The following ANKS1B variants were observed in gnomAD, a reference collection of about 807,000 sequenced individuals.
ANKS1B encodes the protein ankyrin repeat and sterile alpha motif domain containing 1B.
A neutral mutation model predicts 148.3 loss-of-function variants in ANKS1B; 36 were observed. The observed-to-expected ratio is 0.24, with a 90% confidence interval of 0.19 to 0.32. The LOEUF (loss-of-function observed/expected upper bound fraction) is 0.32, where lower values mean the gene tolerates loss of function less well. ANKS1B is among the 10% of genes least tolerant of loss of function. The pLI is 1.00. For missense variants in ANKS1B, 1,157 were observed against 1,542.6 expected (o/e 0.75, Z 4.19); for synonymous variants, 542 against 560.8 (o/e 0.97, Z 0.47).
chr12:99,925,853 G>C (rs1337444864), intron 1 of ANKS1B, among the ~76,000 whole-genome samples: 2 of 152,172 alleles, frequency 1.3e-5, no homozygotes, highest in South Asian at 2.1e-4. Flanking sequence ...CTTAAGTCAA[G>C]CTTAATTTTT....
chr12:99,077,226 A>C lies in ANKS1B; in HGVS notation c.2625+7699T>G, dbSNP rs183370236. 2.0e-5 allele frequency among the ~76,000 whole-genome samples: 3 copies of C among 152,138 alleles called. No individual in the cohort carries two copies. In the East Asian group the frequency reaches 5.8e-4, roughly 29 times the overall value. Reference sequence around the variant, plus strand: ...CGTCATGTATTTACTTTAGGTTAGGACCTCCATGCTAACAGTGCACGTATG... The same window carrying C: ...CGTCATGTATTTACTTTAGGTTAGGCCCTCCATGCTAACAGTGCACGTATG... On this transcript the variant is annotated intron_variant, in intron 16 of 26. Transcript: ENST00000683438.
In ANKS1B at chr12:99,773,125, C is replaced by T. The variant is rs760261333; in HGVS notation, c.962-37G>A. ...ATTTTTTCAGAAGTTTCAAGAAAGG[C>T]TATTGTTAAAACTTAATGTTAAGCA... is the stretch of plus-strand genomic sequence containing the variant. On this transcript the variant is annotated intron_variant, in intron 7 of 26. Coordinates refer to ENST00000683438, the MANE Select transcript of ANKS1B (RefSeq NM_001352186.2). The T allele has an allele frequency of 2.8e-5, 44 of 1,554,174 alleles. No individual in the cohort carries two copies. The Admixed American group carries it at 7.2e-4, about 26-fold the overall frequency.
At chr12:99,469,883 A>G (rs899534569) in intron 10 of ANKS1B, among the ~76,000 whole-genome samples, 1 of 151,960 alleles carries the variant, frequency 6.6e-6, no homozygotes, top group Non-Finnish European at 1.5e-5. Flanking sequence ...ATTTTGGGAG[A>G]CTGAGGTAGG....
At chr12:99,626,440 T>C (rs999335598) in intron 9 of ANKS1B, among the ~76,000 whole-genome samples, 3 of 152,168 alleles carry the variant, frequency 2.0e-5, no homozygotes, top group Admixed American at 1.3e-4. Flanking sequence ...AAAATCGATA[T>C]ATCACTTGCA....
intron 12 of ANKS1B, among the ~76,000 whole-genome samples, chr12:99,346,250 T>C (rs1246373675): frequency 6.6e-6 from 1 of 151,858 alleles, no homozygotes; most frequent in Non-Finnish European, 1.5e-5. Flanking sequence ...ACATTTTGAC[T>C]CACTTTTCTT....
intron 24 of ANKS1B, among the ~76,000 whole-genome samples, chr12:98,773,704 C>T (rs1197683623): frequency 6.6e-6 from 1 of 152,178 alleles, no homozygotes; most frequent in Non-Finnish European, 1.5e-5. Flanking sequence ...GATCTGCCCA[C>T]CTCGGCCTCC....
At chr12:98,990,808 G>A (rs1481205152) in intron 17 of ANKS1B, among the ~76,000 whole-genome samples, 1 of 152,180 alleles carries the variant, frequency 6.6e-6, no homozygotes, top group Non-Finnish European at 1.5e-5. Flanking sequence ...TAAGCACTAG[G>A]GTGGCTGAGC....
At chr12:99,948,991 G>A (rs1452968415) in intron 1 of ANKS1B, among the ~76,000 whole-genome samples, 4 of 152,170 alleles carry the variant, frequency 2.6e-5, no homozygotes. Flanking sequence ...TATACTGTGA[G>A]GTTGAGCTAT....
At chr12:99,778,540 G>T (rs1184238147) in intron 6 of ANKS1B, among the ~76,000 whole-genome samples, 3 of 150,632 alleles carry the variant, frequency 2.0e-5, no homozygotes, top group African/African-American at 7.3e-5. Context: ...TTCAGTGAGA[G>T]TCAAAAGTCC....
intron 9 of ANKS1B, among the ~76,000 whole-genome samples, chr12:99,621,894 A>G (rs1430454933): frequency 1.3e-5 from 2 of 152,158 alleles, no homozygotes; most frequent in East Asian, 3.9e-4. Context: ...TTGACACTTG[A>G]CTAATTGGAT....
intron 1 of ANKS1B, among the ~76,000 whole-genome samples, chr12:99,937,087 G>A (rs1397276165): frequency 6.6e-6 from 1 of 152,122 alleles, no homozygotes; most frequent in East Asian, 1.9e-4. Context: ...ACGCACATCT[G>A]GAGTTCCCAT....
chr12:98,930,036 A>G (rs1018851845), intron 17 of ANKS1B, among the ~76,000 whole-genome samples: 4 of 152,178 alleles, frequency 2.6e-5, no homozygotes, highest in Non-Finnish European at 5.9e-5. Context: ...TAAATCAAAT[A>G]TCTGATAAGG....
chr12:99,619,189 C>A (rs2098013101), intron 9 of ANKS1B, among the ~76,000 whole-genome samples: 1 of 151,994 alleles, frequency 6.6e-6, no homozygotes, highest in African/African-American at 2.4e-5. Context: ...CCTGAGCCAC[C>A]CCACCCTTCA....
chr12:99,711,884 G>A (rs567644588), intron 8 of ANKS1B, among the ~76,000 whole-genome samples: 1 of 152,104 alleles, frequency 6.6e-6, no homozygotes, highest in African/African-American at 2.4e-5. Context: ...CTGTCATAAA[G>A]ACATGCACAC....
intron 9 of ANKS1B, among the ~76,000 whole-genome samples, chr12:99,534,992 A>T (rs12321730): frequency 0.014 from 2,079 of 152,110 alleles, 47 homozygotes; most frequent in African/African-American, 0.048. Flanking sequence ...TACAGGCATG[A>T]GCCACCGCGC....
chr12:99,542,258 T>C lies in ANKS1B; in HGVS notation c.1273-37617A>G, dbSNP rs569830520. 5.9e-5 allele frequency among the ~76,000 whole-genome samples: 9 copies of C among 152,292 alleles called. No homozygotes were observed. The East Asian group carries it at 1.7e-3, about 29-fold the overall frequency. On this transcript the variant is annotated intron_variant, in intron 9 of 26. Transcript: ENST00000683438. ...ATACTAAAAAAACCAATTGTATTTC[T>C]ATATGGTAGTAATGGGAAATGCAAA... is the stretch of plus-strand genomic sequence containing the variant.
intron 12 of ANKS1B, 99 bp downstream of exon 12, chr12:99,399,532 C>A: frequency 7.7e-7 from 1 of 1,305,692 alleles, no homozygotes; most frequent in Non-Finnish European, 1.1e-6. Flanking sequence ...GAACTAAAAA[C>A]ACAATGCAAT....
intron 11 of ANKS1B, among the ~76,000 whole-genome samples, chr12:99,402,345 G>A (rs961198612): frequency 1.4e-5 from 2 of 145,846 alleles, no homozygotes; most frequent in African/African-American, 5.2e-5. Flanking sequence ...AAGTTCAGGG[G>A]TACATGTGCA....
intron 17 of ANKS1B, among the ~76,000 whole-genome samples, chr12:98,992,666 T>C (rs1048307215): frequency 6.6e-6 from 1 of 152,196 alleles, no homozygotes; most frequent in African/African-American, 2.4e-5. Context: ...TCAGGTAGTA[T>C]CTTTTAGCAG....
Sources: gnomAD v4.1 joint callset for allele counts (sites outside exome capture counted in the v4.1 genomes callset) on GRCh38, gnomAD v4.1.1 for gene constraint, MANE v1.5 for transcripts, NCBI Gene and HGNC (gene_info 2026-07-23, HGNC 2026-07-21) for gene names.